SLC30A8: variants seen among roughly 807,000 people sequenced by gnomAD.
SLC30A8 encodes the protein proton-coupled zinc antiporter SLC30A8.
SLC30A8 carries 27 observed loss-of-function variants against 36.9 expected under a neutral mutation model. That is an observed-to-expected ratio of 0.73 (90% CI 0.54 to 1.01). SLC30A8 has a LOEUF of 1.01. Ranked by LOEUF, SLC30A8 falls within the 50% of genes least tolerant of loss-of-function variation. The pLI, the probability that SLC30A8 is intolerant of heterozygous loss-of-function variation, is 0.00. For missense variants in SLC30A8, 439 were observed against 452.0 expected (o/e 0.97, Z 0.26); for synonymous variants, 164 against 172.4 (o/e 0.95, Z 0.38).
At chr8:117,016,312 CAA>C (rs1434891119) in intron 1 of SLC30A8, among the ~76,000 whole-genome samples, 1 of 152,150 alleles carries the variant, frequency 6.6e-6, no homozygotes. Flanking sequence ...GATATTGAAT[CAA>C]AGAGTTTTTG....
At chr8:116,967,893 G>T (rs1814653607) in intron 1 of SLC30A8, among the ~76,000 whole-genome samples, 1 of 152,064 alleles carries the variant, frequency 6.6e-6, no homozygotes, top group Non-Finnish European at 1.5e-5. Context: ...AATCGTCCCG[G>T]TTTTCTCTCC....
At chr8:116,987,412 G>A (rs1380406618) in intron 1 of SLC30A8, among the ~76,000 whole-genome samples, 1 of 139,834 alleles carries the variant, frequency 7.2e-6, no homozygotes, top group Admixed American at 7.5e-5. Context: ...TGCACGTTGT[G>A]CACATGTACC....
intron 3 of SLC30A8, among the ~76,000 whole-genome samples, chr8:117,154,560 G>A (rs146566129): frequency 8.4e-4 from 128 of 152,246 alleles, no homozygotes; most frequent in African/African-American, 2.7e-3. Flanking sequence ...CTTGATCATC[G>A]CAGGTGTTTT....
At position 117,147,094 on chromosome 8, in the gene SLC30A8, A is replaced by C; in HGVS notation, c.212A>C (p.Lys71Thr). The stretch of plus-strand genomic sequence containing the variant: ...GGGGCGAATGAGTACGCCTATGCCA[A>C]GTGGAAACTCTGTTCTGCTTCAGCA... ...EKGANEYAYA[K>T]WKLCSASAIC... The change falls in exon 2 of 8, where the codon AAG becomes ACG. Residue 71 changes from lysine to threonine, a missense_variant. By Grantham distance (78) the Lys-to-Thr change is moderately conservative (BLOSUM62 -1). Coordinates refer to ENST00000456015, the MANE Select transcript of SLC30A8 (RefSeq NM_173851.3). 6.2e-7 allele frequency: 1 copy of C among 1,614,162 alleles called. No individual in the cohort carries two copies. Among genetic ancestry groups the C allele is most frequent in the Non-Finnish European group, 8.5e-7 (1 of 1,180,006 alleles).
intron 1 of SLC30A8, among the ~76,000 whole-genome samples, chr8:117,002,037 A>G (rs1816025472): frequency 6.6e-6 from 1 of 152,202 alleles, no homozygotes; most frequent in African/African-American, 2.4e-5. Flanking sequence ...AAGTAAATTC[A>G]AAACTAGGGC....
chr8:116,983,528 CAT>C (rs747585687), intron 1 of SLC30A8, among the ~76,000 whole-genome samples: 1 of 152,112 alleles, frequency 6.6e-6, no homozygotes, highest in Non-Finnish European at 1.5e-5. Flanking sequence ...TATTTTGTGG[CAT>C]ATGTCTCATG....
intron 1 of SLC30A8, among the ~76,000 whole-genome samples, chr8:117,139,341 A>C (rs1336322796): frequency 6.6e-6 from 1 of 152,048 alleles, no homozygotes; most frequent in African/African-American, 2.4e-5. Context: ...GAGACTCCAG[A>C]TAGCTCACTC....
intron 2 of SLC30A8, among the ~76,000 whole-genome samples, chr8:117,100,986 C>A (rs1027771977): frequency 2.6e-5 from 4 of 152,078 alleles, no homozygotes; most frequent in Non-Finnish European, 5.9e-5. Flanking sequence ...AAGTTCAAAC[C>A]TGATTCTCCA....
intron 1 of SLC30A8, among the ~76,000 whole-genome samples, chr8:116,963,128 A>T (rs553122754): frequency 3.9e-5 from 6 of 152,248 alleles, no homozygotes; most frequent in African/African-American, 1.4e-4. Context: ...ATCTCACATC[A>T]TGGAATTGTG....
chr8:117,069,145 A>G (rs1435664289), intron 2 of SLC30A8, among the ~76,000 whole-genome samples: 1 of 152,184 alleles, frequency 6.6e-6, no homozygotes, highest in Non-Finnish European at 1.5e-5. Context: ...ACTCATTATT[A>G]AAAAAACAAG....
At chr8:116,974,342 A>G (rs1814902959) in intron 1 of SLC30A8, among the ~76,000 whole-genome samples, 2 of 152,214 alleles carry the variant, frequency 1.3e-5, no homozygotes, top group South Asian at 2.1e-4. Context: ...CAAATTTACA[A>G]GAAAATAAAC....
intron 2 of SLC30A8, among the ~76,000 whole-genome samples, chr8:117,060,711 T>G (rs1342410911): frequency 6.6e-6 from 1 of 152,190 alleles, no homozygotes; most frequent in Non-Finnish European, 1.5e-5. Flanking sequence ...ATTTATGTCT[T>G]TGTTTTATCA....
intron 2 of SLC30A8, among the ~76,000 whole-genome samples, chr8:117,083,265 T>G (rs188740200): frequency 6.6e-6 from 1 of 152,182 alleles, no homozygotes; most frequent in Non-Finnish European, 1.5e-5. Context: ...CCAGATCTGC[T>G]CTTCAGGACT....
At chr8:117,049,915 T>C (rs1817658676) in intron 2 of SLC30A8, among the ~76,000 whole-genome samples, 1 of 152,178 alleles carries the variant, frequency 6.6e-6, no homozygotes, top group Admixed American at 6.5e-5. Context: ...TCCTGATATA[T>C]AGGGATGCCT....
chr8:117,157,946 G>C, intron 4 of SLC30A8, 102 bp downstream of exon 4: 6 of 1,293,782 alleles, frequency 4.6e-6, no homozygotes, highest in Non-Finnish European at 6.4e-6. Context: ...GAAGATGGTA[G>C]AGACTGGACA....
intron 2 of SLC30A8, among the ~76,000 whole-genome samples, chr8:117,127,164 C>T (rs899464634): frequency 2.0e-5 from 3 of 151,994 alleles, no homozygotes; most frequent in Admixed American, 1.3e-4. Flanking sequence ...AGCTAAGCAT[C>T]GCGTACCTAA....
intron 1 of SLC30A8, among the ~76,000 whole-genome samples, chr8:116,977,401 C>T (rs192461894): frequency 1.8e-3 from 255 of 142,058 alleles, no homozygotes; most frequent in African/African-American, 6.0e-3. Flanking sequence ...GATTCGCCTG[C>T]CTCCACCTCC....
At chr8:117,074,436 C>T (rs1030609084) in intron 2 of SLC30A8, among the ~76,000 whole-genome samples, 11 of 152,102 alleles carry the variant, frequency 7.2e-5, no homozygotes, top group Admixed American at 5.9e-4. Flanking sequence ...ATATGACTTG[C>T]TTACCTTAGA....
chr8:116,973,318 C>G (rs1814855481), intron 1 of SLC30A8, among the ~76,000 whole-genome samples: 1 of 152,106 alleles, frequency 6.6e-6, no homozygotes, highest in Non-Finnish European at 1.5e-5. Flanking sequence ...TAGATTTGGA[C>G]CAGTGAGATG....
Sources: gnomAD v4.1 joint callset for allele counts (sites outside exome capture counted in the v4.1 genomes callset) on GRCh38, gnomAD v4.1.1 for gene constraint, MANE v1.5 for transcripts, NCBI Gene and HGNC (gene_info 2026-07-23, HGNC 2026-07-21) for gene names.